HYAL1: variants seen among roughly 807,000 people sequenced by gnomAD.
The protein encoded by HYAL1 is hyaluronidase 1.
In HYAL1, 21 loss-of-function variants were observed where a neutral mutation model predicts 28.8. The observed-to-expected ratio is 0.73, with a 90% CI of 0.52 to 1.05. HYAL1 has a LOEUF of 1.05. HYAL1 is among the 50% of genes least tolerant of loss of function. The pLI, the probability that HYAL1 is intolerant of heterozygous loss-of-function variation, is 0.00. For missense variants in HYAL1, 491 were observed against 579.2 expected, an observed-to-expected ratio of 0.85 and a Z score of 1.56; for synonymous variants, 200 against 230.1, an observed-to-expected ratio of 0.87 and a Z score of 1.18.
At position 50,300,368 on chromosome 3, in the gene HYAL1, G is replaced by T; in HGVS notation, c.*115C>A. The T allele has an allele frequency of 9.8e-7, 1 of 1,022,894 alleles. No homozygotes were observed. Among genetic ancestry groups the T allele is most frequent in the Non-Finnish European group, 1.5e-6 (1 of 652,542 alleles). The allele number at this position is 1,022,894 out of a possible 1,614,324, so 63.4% of individuals were successfully genotyped here. ...AGGGAATATGCCTGTGACAGTGGCT[G>T]AGTGTACTCTTTACTGTGACCATGA... On this transcript the variant is annotated 3_prime_UTR_variant, in exon 4 of 4. Transcript: ENST00000395144.
chr3:50,310,597 T>C (rs1213312250), intron 1 of HYAL1, among the ~76,000 whole-genome samples: 1 of 151,240 alleles, frequency 6.6e-6, no homozygotes, highest in Non-Finnish European at 1.5e-5. Context: ...TTTTTCTTTT[T>C]TTTTTTTAAT....
chr3:50,312,002 G>A (rs1237956821), intron 1 of HYAL1, among the ~76,000 whole-genome samples: 26 of 142,636 alleles, frequency 1.8e-4, no homozygotes, highest in Admixed American at 1.6e-3. Context: ...CGGACGGGGC[G>A]GCTGGCCGGG....
At chr3:50,310,947 CAGA>C (rs1208154917) in intron 1 of HYAL1, among the ~76,000 whole-genome samples, 2 of 152,004 alleles carry the variant, frequency 1.3e-5, no homozygotes, top group African/African-American at 2.4e-5. Context: ...GATCCCAAGG[CAGA>C]AGAATTTTTC....
At chr3:50,301,489 T>G (rs1702158323) in intron 2 of HYAL1, among the ~76,000 whole-genome samples, 1 of 152,060 alleles carries the variant, frequency 6.6e-6, no homozygotes, top group South Asian at 2.1e-4. Flanking sequence ...GTTGATGGCA[T>G]GCCTGTAATC....
upstream of HYAL1, among the ~76,000 whole-genome samples, chr3:50,307,348 C>T (rs1702351228): frequency 7.1e-6 from 1 of 140,478 alleles, no homozygotes; most frequent in South Asian, 2.3e-4. Context: ...TGGGTGACAG[C>T]AAGACTCAGT....
In HYAL1 at chr3:50,300,685, C is replaced by T; in HGVS notation, c.1106G>A (p.Cys369Tyr). 1 of 1,613,920 alleles carries T rather than the reference C, an allele frequency of 6.2e-7. No individual in the cohort carries two copies. Among genetic ancestry groups the T allele is most frequent in the Non-Finnish European group, 8.5e-7 (1 of 1,179,936 alleles). ...SQALCSGHGR[C>Y]VRRTSHPKAL... Reference sequence around the variant, plus strand: ...TTTGGGGTGGCTGGTGCGGCGGACACAGCGGCCATGGCCGGAGCACAGGGC... The same window carrying T: ...TTTGGGGTGGCTGGTGCGGCGGACATAGCGGCCATGGCCGGAGCACAGGGC... Residue 369 changes from cysteine to tyrosine, a missense_variant, in exon 4 of 4, where the codon TGT becomes TAT. Transcript: ENST00000395144.
chr3:50,302,725 G>A lies in HYAL1; in HGVS notation c.232C>T (p.Gln78Ter). The part of the protein sequence containing the change: ...GPDMTIFYSS[Q>*]LGTYPYYTPT... ...GTGTAGTAGGGGTAGGTGCCCAGCT[G>A]GGAGCTATAGAAAATTGTCATGTCA... Residue 78 changes from glutamine to a stop codon, truncating the protein, a stop_gained, in exon 2 of 4, where the codon CAG (glutamine) becomes TAG (stop). Transcript: ENST00000395144. LOFTEE classifies it high-confidence loss of function. This position sits in a 1 kb window ranked among gnomAD's most constrained non-coding sequence, Gnocchi z 5.0. 1.2e-6 allele frequency: 2 copies of A among 1,614,036 alleles called. No homozygotes were observed. Among genetic ancestry groups the A allele is most frequent in the South Asian group, 2.2e-5 (2 of 91,080 alleles).
chr3:50,304,296 A>AAATATAT (rs1553713686), upstream of HYAL1, among the ~76,000 whole-genome samples: 1 of 30,478 alleles, frequency 3.3e-5, no homozygotes, highest in Non-Finnish European at 6.1e-5. Flanking sequence ...AAAAAAAAAA[A>AAATATAT]ATATATATAT....
upstream of HYAL1, among the ~76,000 whole-genome samples, chr3:50,304,923 G>A (rs142392896): frequency 2.0e-5 from 3 of 152,346 alleles, no homozygotes; most frequent in East Asian, 5.8e-4. Context: ...CCATGCATAT[G>A]AGCTGTCAGT....
chr3:50,310,425 G>A lies in HYAL1; in HGVS notation c.-309-648C>T, dbSNP rs150877350. On this transcript the variant is annotated intron_variant, in intron 1 of 5. Coordinates refer to the HYAL1 transcript ENST00000320295. ...ACTACAGGCAACCACCACCACGCCC[G>A]GCTATTTTTTTTTTGTATTTTTAAT... 1.7e-4 allele frequency among the ~76,000 whole-genome samples: 26 copies of A among 149,490 alleles called. 1 individual carries two copies. Among genetic ancestry groups the A allele is most frequent in the African/African-American group, 6.0e-4 (24 of 39,816 alleles).
At position 50,300,216 on chromosome 3, in the gene HYAL1, C is replaced by T. The variant is rs1476403031; in HGVS notation, c.*267G>A. On this transcript the variant is annotated 3_prime_UTR_variant, in exon 4 of 4. Transcript: ENST00000395144. The stretch of plus-strand genomic sequence containing the variant: ...GATTGCTGCAGTTCAAAGACTGGCT[C>T]AGTGTCTCTGGAGGAATTGTCTATG... 2.0e-6 allele frequency: 1 copy of T among 512,684 alleles called. No individual in the cohort carries two copies. Among genetic ancestry groups the T allele is most frequent in the Admixed American group, 3.0e-5 (1 of 32,890 alleles). 31.8% of individuals were successfully genotyped at this position (512,684 alleles called of 1,614,324 possible). A position where few individuals can be genotyped will look rare whatever the true frequency, so the allele number is the denominator to read the frequency against.
intron 1 of HYAL1, among the ~76,000 whole-genome samples, chr3:50,310,489 A>C (rs1702423251): frequency 6.7e-6 from 1 of 150,206 alleles, no homozygotes; most frequent in South Asian, 2.1e-4. Context: ...AATGGTCTCG[A>C]TCTCCTGACC....
In HYAL1 at chr3:50,302,223, C is replaced by G; in HGVS notation, c.734G>C (p.Ser245Thr). ...CTCCAGCACTGCGGGCATGTAGATG[C>G]TGGGATAGAGGGCACGGCTCTGGCC... ...LWGQSRALYP[S>T]IYMPAVLEGT... is the part of the protein sequence containing the mutation. Residue 245 changes from serine (S) to threonine (T), a missense_variant, in exon 2 of 4, where the codon AGC becomes ACC. Ser to Thr is a moderately conservative substitution (Grantham distance 58). Transcript: ENST00000395144. The surrounding 1 kb of genome is among the most constrained non-coding windows in gnomAD (Gnocchi z 5.0). The G allele has an allele frequency of 6.2e-7, 1 of 1,614,122 alleles. No individual in the cohort carries two copies. Among genetic ancestry groups the G allele is most frequent in the Non-Finnish European group, 8.5e-7 (1 of 1,180,032 alleles).
At chr3:50,308,435 G>T (rs943072187), upstream of HYAL1, among the ~76,000 whole-genome samples, 1 of 148,986 alleles carries the variant, frequency 6.7e-6, no homozygotes, top group Middle Eastern at 3.6e-3. Context: ...CCACGTTGTC[G>T]TATTATATAT....
Position 50,300,766 on chromosome 3 carries a change from G to A in HYAL1, c.1025C>T (p.Thr342Ile), listed in dbSNP as rs1015939647. The change falls in exon 4 of 4, where the codon ACT becomes ATT. Residue 342 changes from threonine to isoleucine, a missense_variant. Physicochemically the swap from Thr to Ile is moderately conservative, Grantham distance 89 (BLOSUM62 -1). Transcript: ENST00000395144. ...GTTCAGGATGAAGGGCCCCAGTGTA[G>A]TGTCCATATACTCCTTGATGGCCTG... ...SCQAIKEYMD[T>I]TLGPFILNVT... 1 of 1,614,038 alleles carries A rather than the reference G, an allele frequency of 6.2e-7. No individual in the cohort carries two copies. The highest frequency in any genetic ancestry group is 8.5e-7 in the Non-Finnish European group (1 of 1,179,998).
rs1391982334 is a variant in HYAL1, at chr3:50,302,219, G to A, written c.738C>T (p.Ile246=). 1.2e-6 allele frequency: 2 copies of A among 1,614,022 alleles called. No individual in the cohort carries two copies. Among genetic ancestry groups the A allele is most frequent in the South Asian group, 1.1e-5 (1 of 91,096 alleles). ...WGQSRALYPS[I]YMPAVLEGTG... ...TGCCCTCCAGCACTGCGGGCATGTA[G>A]ATGCTGGGATAGAGGGCACGGCTCT... Residue 246 remains isoleucine (I), a synonymous_variant, in exon 2 of 4, where the codon ATC becomes ATT. Transcript: ENST00000395144. This position sits in a 1 kb window ranked among gnomAD's most constrained non-coding sequence, Gnocchi z 5.0.
chr3:50,307,455 C>T (rs191376637), upstream of HYAL1, among the ~76,000 whole-genome samples: 1,122 of 150,488 alleles, frequency 7.5e-3, 13 homozygotes, highest in Middle Eastern at 0.017. Flanking sequence ...CCGAGGCGGG[C>T]GGATCACAAG....
At chr3:50,311,519 C>T (rs1296882196) in intron 1 of HYAL1, among the ~76,000 whole-genome samples, 1 of 129,524 alleles carries the variant, frequency 7.7e-6, no homozygotes, top group East Asian at 2.7e-4. Context: ...GTAGGGGCGG[C>T]CGGGCAGAGG....
intron 2 of HYAL1, among the ~76,000 whole-genome samples, chr3:50,308,685 TTG>T: frequency 6.7e-6 from 1 of 149,718 alleles, no homozygotes; most frequent in Middle Eastern, 3.5e-3. Flanking sequence ...TCTGCCCACC[TTG>T]GCCTCCCAAA....
Sources: gnomAD v4.1 joint callset for allele counts (sites outside exome capture counted in the v4.1 genomes callset) on GRCh38, gnomAD v4.1.1 for gene constraint, Gnocchi (gnomAD v3.1) non-coding constraint, MANE v1.5 for transcripts, NCBI Gene and HGNC (gene_info 2026-07-23, HGNC 2026-07-21) for gene names.